DPP10: variants seen among roughly 807,000 people sequenced by gnomAD.
DPP10 encodes dipeptidyl peptidase like 10.
A neutral mutation model predicts 120.9 loss-of-function variants in DPP10; 33 were observed. That is an observed-to-expected ratio of 0.27 (90% confidence interval 0.21 to 0.37). The LOEUF (loss-of-function observed/expected upper bound fraction) is 0.37. DPP10 is among the 10% of genes least tolerant of loss of function. The probability of loss-of-function intolerance (pLI) is 1.00; values close to 1 mark genes in which losing one functional copy is unlikely to be tolerated. For synonymous variants in DPP10, 337 were observed against 326.1 expected, an observed-to-expected ratio of 1.03 and a Z score of -0.36; for missense variants, 816 against 942.8, an observed-to-expected ratio of 0.87 and a Z score of 1.76.
At chr2:114,954,610 G>A (rs1698067413) in intron 1 of DPP10, among the ~76,000 whole-genome samples, 2 of 151,942 alleles carry the variant, frequency 1.3e-5, no homozygotes, top group South Asian at 2.1e-4. Flanking sequence ...ATAAAGATAA[G>A]AGCAGTAATA....
At chr2:114,533,335 TTAAG>T (rs1379862947) in intron 1 of DPP10, among the ~76,000 whole-genome samples, 2 of 152,172 alleles carry the variant, frequency 1.3e-5, no homozygotes, top group African/African-American at 4.8e-5. Flanking sequence ...TGGCTTATTA[TTAAG>T]TATTATTATT....
chr2:115,697,617 G>T (rs2149520570), intron 7 of DPP10, among the ~76,000 whole-genome samples: 1 of 151,778 alleles, frequency 6.6e-6, no homozygotes, highest in African/African-American at 2.4e-5. Context: ...ATAATTGTTG[G>T]TGATTTCAAC....
rs529301711 is a variant in DPP10 at position 115,508,547 on chromosome 2, A to G, written c.366+8943A>G. 1.1e-4 allele frequency among the ~76,000 whole-genome samples: 17 copies of G among 152,344 alleles called. No homozygotes were observed. The South Asian group carries it at 3.1e-3, about 28-fold the overall frequency. On this transcript the variant is annotated intron_variant, in intron 4 of 25. Coordinates refer to ENST00000410059, the MANE Select transcript of DPP10 (RefSeq NM_020868.6). ...CTTTTACTTTTATTGCTTAATATCC[A>G]TGTCAGAATTTCTAATGCATTGGCT...
intron 1 of DPP10, among the ~76,000 whole-genome samples, chr2:114,569,747 C>A (rs1689473829): frequency 6.6e-6 from 1 of 152,084 alleles, no homozygotes; most frequent in Non-Finnish European, 1.5e-5. Context: ...GCATGAGAAA[C>A]AAAGAAATCT....
At chr2:115,171,647 C>T (rs1344425770) in intron 1 of DPP10, among the ~76,000 whole-genome samples, 2 of 151,554 alleles carry the variant, frequency 1.3e-5, no homozygotes, top group Non-Finnish European at 2.9e-5. Context: ...CCAGATTCAG[C>T]TGCTGGTACA....
At chr2:115,041,532 A>G (rs1704644520) in intron 1 of DPP10, among the ~76,000 whole-genome samples, 1 of 152,164 alleles carries the variant, frequency 6.6e-6, no homozygotes, top group African/African-American at 2.4e-5. Flanking sequence ...TATGACCCAA[A>G]TCAGGATACC....
chr2:114,783,277 A>G (rs941919758), intron 1 of DPP10, among the ~76,000 whole-genome samples: 3 of 152,154 alleles, frequency 2.0e-5, no homozygotes, highest in Admixed American at 6.5e-5. Context: ...AATGTAACCT[A>G]GAAACAAATG....
intron 5 of DPP10, among the ~76,000 whole-genome samples, chr2:115,571,602 C>T (rs189934793): frequency 6.6e-6 from 1 of 152,000 alleles, no homozygotes; most frequent in East Asian, 1.9e-4. Flanking sequence ...GACATTGATA[C>T]TGTGTCATTT....
chr2:115,333,390 GTGTCTTTT>G, intron 2 of DPP10, among the ~76,000 whole-genome samples: 1 of 152,248 alleles, frequency 6.6e-6, no homozygotes, highest in Non-Finnish European at 1.5e-5. Flanking sequence ...TTGCCAGTCT[GTGTCTTTT>G]AATTGGAGCA....
At chr2:115,233,930 T>G (rs375837885) in intron 1 of DPP10, 1 of 518,156 alleles carries the variant, frequency 1.9e-6, no homozygotes, top group African/African-American at 1.9e-5. Context: ...ATCAGGTGGA[T>G]TTAAAGCTTA....
At chr2:114,616,302 C>T (rs1216181650) in intron 1 of DPP10, among the ~76,000 whole-genome samples, 1 of 152,026 alleles carries the variant, frequency 6.6e-6, no homozygotes, top group Non-Finnish European at 1.5e-5. Flanking sequence ...CTTGCTGTAC[C>T]CAGTGGAATA....
At chr2:115,760,149 G>C (rs1679937750) in intron 11 of DPP10, among the ~76,000 whole-genome samples, 1 of 152,148 alleles carries the variant, frequency 6.6e-6, no homozygotes, top group Non-Finnish European at 1.5e-5. Flanking sequence ...ATTTACAATA[G>C]CTAAAAAGTA....
rs1290499494 is a variant in DPP10 at position 115,200,559 on chromosome 2, A to G, written c.61-108680A>G. ...TCATTATGCGGAAGAATAAGACTTTATAAGAATAGTATTTCCCTAAGCAGG... is the reference window on the plus strand; with the variant it reads ...TCATTATGCGGAAGAATAAGACTTTGTAAGAATAGTATTTCCCTAAGCAGG... On this transcript the variant is annotated intron_variant, in intron 1 of 25. Transcript: ENST00000410059. Among the ~76,000 whole-genome samples, 4 of 152,226 alleles carry G rather than the reference A, an allele frequency of 2.6e-5. No individual in the cohort carries two copies. In the East Asian group the frequency reaches 5.8e-4, roughly 22 times the overall value.
At chr2:115,197,745 A>G (rs959057905) in intron 1 of DPP10, among the ~76,000 whole-genome samples, 1 of 152,198 alleles carries the variant, frequency 6.6e-6, no homozygotes, top group African/African-American at 2.4e-5. Context: ...CTCAATTTGC[A>G]TCCCATTTGG....
intron 1 of DPP10, among the ~76,000 whole-genome samples, chr2:114,602,057 G>A (rs1692413780): frequency 6.6e-6 from 1 of 151,732 alleles, no homozygotes; most frequent in African/African-American, 2.4e-5. Context: ...TGTGTTATTT[G>A]GTTTGAATTT....
intron 1 of DPP10, among the ~76,000 whole-genome samples, chr2:115,014,660 T>A (rs982095423): frequency 1.3e-5 from 2 of 151,908 alleles, no homozygotes; most frequent in African/African-American, 4.8e-5. Flanking sequence ...AAAGGGCATA[T>A]CACCACTGAT....
intron 1 of DPP10, among the ~76,000 whole-genome samples, chr2:115,289,691 G>A (rs940991457): frequency 6.6e-6 from 1 of 151,940 alleles, no homozygotes; most frequent in African/African-American, 2.4e-5. Flanking sequence ...CAGACATAAA[G>A]CCAGATACTT....
At chr2:115,806,381 C>T (rs6542293) in intron 19 of DPP10, among the ~76,000 whole-genome samples, 148,540 of 152,302 alleles carry the variant, frequency 0.98, 72,571 homozygotes, top group Middle Eastern at 1. Flanking sequence ...ATGGTTCTGC[C>T]ACTGCCTGCT....
chr2:115,109,994 G>T (rs184905272), intron 1 of DPP10, among the ~76,000 whole-genome samples: 1 of 152,306 alleles, frequency 6.6e-6, no homozygotes, highest in East Asian at 1.9e-4. Flanking sequence ...TAGCAAGTAT[G>T]AGCCTCAGTT....
Sources: allele counts gnomAD v4.1 joint callset (sites outside exome capture counted in the v4.1 genomes callset), GRCh38; gene constraint gnomAD v4.1.1; transcripts MANE v1.5; gene names NCBI Gene and HGNC (gene_info 2026-07-23, HGNC 2026-07-21).